Variants in EXOC3L2 observed in about 807,000 individuals in gnomAD.
The protein encoded by EXOC3L2 is exocyst complex component 3 like 2.
Under a neutral mutation model 44.4 loss-of-function variants are expected in EXOC3L2, and 17 were observed. The observed-to-expected ratio is 0.38, with a 90% confidence interval of 0.26 to 0.57. The LOEUF is 0.57. Among genes scored for constraint, EXOC3L2 ranks in the 20% least tolerant of loss-of-function variants. The pLI, the probability that EXOC3L2 is intolerant of heterozygous loss-of-function variation, is 0.65. For synonymous variants in EXOC3L2, 256 were observed against 253.7 expected, an observed-to-expected ratio of 1.01 and a Z score of -0.09; for missense variants, 541 against 588.4, an observed-to-expected ratio of 0.92 and a Z score of 0.83.
At position 45,228,152 on chromosome 19, in the gene EXOC3L2, C is replaced by G; in HGVS notation, c.1371+13G>C. ...CCATCCAGCCCATCCCCCAGCCTCC[C>G]TCCACCTCCTACCTCACACACATCC... On this transcript the variant is annotated intron_variant, in intron 5 of 11. Transcript: ENST00000413988. 6.2e-7 allele frequency: 1 copy of G among 1,613,996 alleles called. No homozygotes were observed. Among genetic ancestry groups the G allele is most frequent in the Non-Finnish European group, 8.5e-7 (1 of 1,179,934 alleles).
At chr19:45,243,918 G>A (rs925258080) in intron 1 of EXOC3L2, among the ~76,000 whole-genome samples, 9 of 148,368 alleles carry the variant, frequency 6.1e-5, no homozygotes, top group South Asian at 2.2e-4. Context: ...GTGAGCCACC[G>A]CACTCTGTCC....
chr19:45,227,204 G>C (rs1015830826), intron 7 of EXOC3L2, among the ~76,000 whole-genome samples: 3 of 149,962 alleles, frequency 2.0e-5, no homozygotes, highest in African/African-American at 7.4e-5. Flanking sequence ...TGCAAGCTCC[G>C]CCTCCCGGGT....
rs1390478372 is a variant in EXOC3L2 at position 45,217,401 on chromosome 19, C to G, written c.1998+127G>C. ...TCAAAGTTACTGGTTGCTATTGACC[C>G]GAAGTTGGGTGAGAGTTTCTGTCCT... On this transcript the variant is annotated intron_variant, in intron 10 of 11. Coordinates refer to ENST00000413988, the MANE Select transcript of EXOC3L2 (RefSeq NM_001382422.1). 3.3e-6 allele frequency: 4 copies of G among 1,222,196 alleles called. No individual in the cohort carries two copies. The East Asian group carries it at 9.3e-5, about 28-fold the overall frequency. 75.7% of individuals were successfully genotyped at this position (1,222,196 alleles called of 1,614,324 possible). A position where few individuals can be genotyped will look rare whatever the true frequency, so the allele number is the denominator to read the frequency against.
chr19:45,227,464 C>A (rs1482865116), intron 7 of EXOC3L2, among the ~76,000 whole-genome samples, 198 bp downstream of exon 7: 1 of 152,108 alleles, frequency 6.6e-6, no homozygotes, highest in Non-Finnish European at 1.5e-5. Flanking sequence ...GTCTAGGATT[C>A]TGTAATTCGA....
chr19:45,220,456 C>G (rs112102023), intron 8 of EXOC3L2, among the ~76,000 whole-genome samples: 3,458 of 152,166 alleles, frequency 0.023, 134 homozygotes, highest in African/African-American at 0.077. Flanking sequence ...GGCGACAGAG[C>G]AAGATTCTAT....
At chr19:45,239,529 T>G (rs973313017) in intron 1 of EXOC3L2, among the ~76,000 whole-genome samples, 1 of 144,644 alleles carries the variant, frequency 6.9e-6, no homozygotes, top group Middle Eastern at 4.1e-3. Flanking sequence ...TTTTTTTTTT[T>G]CTTTTGAGAT....
chr19:45,236,132 G>C (rs562138954), intron 2 of EXOC3L2, among the ~76,000 whole-genome samples: 9 of 151,780 alleles, frequency 5.9e-5, no homozygotes, highest in Admixed American at 1.3e-4. Flanking sequence ...TTGGAGAGGT[G>C]GGGGAGGGGA....
chr19:45,223,784 G>T (rs898082539), intron 8 of EXOC3L2, among the ~76,000 whole-genome samples: 9 of 150,036 alleles, frequency 6.0e-5, no homozygotes, highest in Admixed American at 1.3e-4. Flanking sequence ...ATGAGGCCAG[G>T]AGTTTGAGAC....
At chr19:45,235,697 A>C (rs1970077635) in intron 2 of EXOC3L2, among the ~76,000 whole-genome samples, 1 of 152,076 alleles carries the variant, frequency 6.6e-6, no homozygotes, top group Admixed American at 6.6e-5. Flanking sequence ...CAGAGAAACT[A>C]TTTCCTGGCC....
chr19:45,231,307 T>C (rs1036158048), intron 4 of EXOC3L2, among the ~76,000 whole-genome samples: 12 of 152,096 alleles, frequency 7.9e-5, no homozygotes, highest in Non-Finnish European at 1.5e-4. Context: ...ACCATGTTTA[T>C]TACCAGCCCT....
At chr19:45,225,684 G>A (rs57403313) in intron 7 of EXOC3L2, among the ~76,000 whole-genome samples, 12,544 of 148,488 alleles carry the variant, frequency 0.084, 725 homozygotes, top group African/African-American at 0.16. Flanking sequence ...GTGCAGTGGC[G>A]CGATCTTGGC....
chr19:45,228,888 G>C (rs912227541), intron 4 of EXOC3L2, among the ~76,000 whole-genome samples: 1 of 151,404 alleles, frequency 6.6e-6, no homozygotes, highest in East Asian at 1.9e-4. Context: ...TGGCTAACAC[G>C]GTGAAACCCC....
At chr19:45,220,312 G>T (rs12461138) in intron 8 of EXOC3L2, among the ~76,000 whole-genome samples, 34,520 of 147,160 alleles carry the variant, frequency 0.23, 4,481 homozygotes, top group African/African-American at 0.37. Flanking sequence ...ATTTTTTTTT[G>T]TTTGTTTAAT....
intron 8 of EXOC3L2, 26 bp from the exon 9 acceptor site, chr19:45,218,345 C>T (rs757297064): frequency 3.8e-5 from 59 of 1,565,384 alleles, no homozygotes; most frequent in Middle Eastern, 2.1e-4. Flanking sequence ...TAGGGGGTCA[C>T]GCTCTCCTCC....
rs1969783261 is a variant in EXOC3L2, at chr19:45,212,418, T to C, written c.*651A>G. On this transcript the variant is annotated 3_prime_UTR_variant, in exon 12 of 12. Coordinates refer to ENST00000413988, the MANE Select transcript of EXOC3L2 (RefSeq NM_001382422.1). ...ATTCTAAGTATCGAACGTTCCTTAA[T>C]ACATTGGATTGGGGCCAGACCTTGA... Among the ~76,000 whole-genome samples the C allele has an allele frequency of 6.6e-6, 1 of 152,026 alleles. No individual in the cohort carries two copies. The highest frequency in any genetic ancestry group is 2.4e-5 in the African/African-American group (1 of 41,396).
rs1444661200 is a variant in EXOC3L2 at position 45,238,231 on chromosome 19, TAG to T, written c.523+290_523+291del. Among the ~76,000 whole-genome samples, 1 of 152,016 alleles carries T rather than the reference TAG, an allele frequency of 6.6e-6. No homozygotes were observed. Among genetic ancestry groups the T allele is most frequent in the African/African-American group, 2.4e-5 (1 of 41,386 alleles). Reference sequence around the variant, plus strand: ...CCAAAATCAGGTATTCCCTTGGCTTTAGACATGGGAGTAGGGCTGAAGACGGC... The same window carrying T: ...CCAAAATCAGGTATTCCCTTGGCTTTACATGGGAGTAGGGCTGAAGACGGC... On this transcript the variant is annotated intron_variant, in intron 2 of 11. Transcript: ENST00000413988. This position sits in a 1 kb window ranked among gnomAD's most constrained non-coding sequence, Gnocchi z 5.5.
chr19:45,224,264 G>A (rs2122967819), intron 8 of EXOC3L2, among the ~76,000 whole-genome samples: 1 of 152,208 alleles, frequency 6.6e-6, no homozygotes, highest in Admixed American at 6.6e-5. Flanking sequence ...GGGCTACAGT[G>A]GGATTTTGGC....
intron 9 of EXOC3L2, 148 bp from the exon 10 acceptor site, chr19:45,217,831 A>G: frequency 1.0e-6 from 1 of 965,942 alleles, no homozygotes; most frequent in African/African-American, 1.8e-5. Flanking sequence ...CCCAGTCCCC[A>G]GCCCCTGAGC....
intron 8 of EXOC3L2, among the ~76,000 whole-genome samples, 184 bp downstream of exon 8, chr19:45,224,594 A>T (rs540561963): frequency 6.6e-6 from 1 of 152,200 alleles, no homozygotes; most frequent in East Asian, 1.9e-4. Flanking sequence ...GCCCTCTGTT[A>T]TCCCGGTGGG....
Sources: gnomAD v4.1 joint callset for allele counts (sites outside exome capture counted in the v4.1 genomes callset) on GRCh38, gnomAD v4.1.1 for gene constraint, Gnocchi (gnomAD v3.1) non-coding constraint, MANE v1.5 for transcripts, NCBI Gene and HGNC (gene_info 2026-07-23, HGNC 2026-07-21) for gene names.